Variants in ENG observed in about 807,000 individuals in gnomAD.
ENG encodes the protein endoglin.
ENG carries 17 observed loss-of-function variants against 71.0 expected under a neutral mutation model. The observed-to-expected ratio is 0.24, with a 90% CI of 0.16 to 0.36. The LOEUF is 0.36. Ranked by LOEUF, ENG falls within the 10% of genes least tolerant of loss-of-function variation. ENG has a pLI of 1.00. For missense variants in ENG, 749 were observed against 868.3 expected, an observed-to-expected ratio of 0.86 and a Z score of 1.73; for synonymous variants, 360 against 366.9, an observed-to-expected ratio of 0.98 and a Z score of 0.21.
chr9:127,825,771 G>A lies in ENG; in HGVS notation c.613C>T (p.Arg205Trp), dbSNP rs762209698. Reference sequence around the variant, plus strand: ...GCCACGCCTTCCAAGTGGCAGCCCCGGACCAAGGCTGGAGTACGCGGCCGC... The same window carrying A: ...GCCACGCCTTCCAAGTGGCAGCCCCAGACCAAGGCTGGAGTACGCGGCCGC... ...EWRPRTPALV[R>W]GCHLEGVAGH... Residue 205 changes from arginine (R) to tryptophan (W), a missense_variant, in exon 5 of 15, where the codon CGG becomes TGG. Transcript: ENST00000373203. 19 of 1,598,336 alleles carry A rather than the reference G, an allele frequency of 1.2e-5. No homozygotes were observed. The highest frequency in any genetic ancestry group is 4.5e-5 in the East Asian group (2 of 44,220).
In ENG at chr9:127,815,644, C is replaced by T; in HGVS notation, c.*38G>A. ...CACCAGTGCTCCCAGCTGGCGGCTG[C>T]TCAGTCTCTCCTGCTGGGCGAGCGC... On this transcript the variant is annotated 3_prime_UTR_variant, in exon 15 of 15. Transcript: ENST00000373203. 1.4e-5 allele frequency: 21 copies of T among 1,541,750 alleles called. No homozygotes were observed. The highest frequency in any genetic ancestry group is 1.8e-5 in the Non-Finnish European group (21 of 1,150,592).
Position 127,843,117 on chromosome 9 carries a change from C to T in ENG, c.196G>A (p.Val66Ile). ...QAPNAILEVH[V>I]LFLEFPTGPS... ...ACCGTTGGGAACTCCAGGAAGAGGA[C>T]ATGGACTTCAAGGATGGCATTGGGG... Residue 66 changes from valine to isoleucine, a missense_variant, in exon 2 of 15, where the codon GTC (valine) becomes ATC (isoleucine). Val to Ile is a conservative substitution (Grantham distance 29). Transcript: ENST00000373203. 1 of 1,614,164 alleles carries T rather than the reference C, an allele frequency of 6.2e-7. No individual in the cohort carries two copies. Among genetic ancestry groups the T allele is most frequent in the South Asian group, 1.1e-5 (1 of 91,084 alleles).
chr9:127,825,070 TC>T, intron 6 of ENG, 96 bp from the exon 7 acceptor site: 1 of 1,583,484 alleles, frequency 6.3e-7, no homozygotes, highest in Non-Finnish European at 8.6e-7. Flanking sequence ...TCCTGCTGTG[TC>T]CCCACTCCTG....
intron 1 of ENG, among the ~76,000 whole-genome samples, chr9:127,850,665 C>G (rs1272795396): frequency 6.6e-6 from 1 of 152,260 alleles, no homozygotes; most frequent in African/African-American, 2.4e-5. Flanking sequence ...GACTCCAACA[C>G]AGACAGCCAG....
intron 2 of ENG, among the ~76,000 whole-genome samples, chr9:127,834,202 A>G (rs1302206100): frequency 1.3e-5 from 2 of 151,980 alleles, no homozygotes; most frequent in Admixed American, 1.3e-4. Context: ...CCTCCCAAGT[A>G]GCTGGGACTA....
At chr9:127,853,418 G>A (rs1439469672) in intron 1 of ENG, among the ~76,000 whole-genome samples, 1 of 152,234 alleles carries the variant, frequency 6.6e-6, no homozygotes, top group Non-Finnish European at 1.5e-5. Context: ...GCGGCTTGAG[G>A]TGGCCGAGGG....
At chr9:127,851,123 G>A (rs962345381) in intron 1 of ENG, among the ~76,000 whole-genome samples, 5 of 152,110 alleles carry the variant, frequency 3.3e-5, no homozygotes, top group African/African-American at 1.2e-4. Context: ...GGAGTTCCGA[G>A]GTGATTTTTT....
chr9:127,835,123 C>T (rs1344065462), intron 2 of ENG, among the ~76,000 whole-genome samples: 1 of 152,072 alleles, frequency 6.6e-6, no homozygotes, highest in African/African-American at 2.4e-5. Flanking sequence ...CTTAGCCTCC[C>T]AAGTAGCTGG....
chr9:127,815,306 G>T lies in ENG; in HGVS notation c.*376C>A, dbSNP rs971311800. ...CTTCTCTTCCCAGCGGGGAGGTGCT[G>T]TTGGCCTGGCTGGGCTGGCCTGAAT... On this transcript the variant is annotated 3_prime_UTR_variant, in exon 15 of 15. Coordinates refer to ENST00000373203, the MANE Select transcript of ENG (RefSeq NM_001114753.3). 8.7e-6 allele frequency: 2 copies of T among 228,956 alleles called. No homozygotes were observed. Among genetic ancestry groups the T allele is most frequent in the South Asian group, 1.7e-4 (2 of 11,644 alleles). 14.2% of individuals were successfully genotyped at this position (228,956 alleles called of 1,614,324 possible). A position where few individuals can be genotyped will look rare whatever the true frequency, so the allele number is the denominator to read the frequency against.
At chr9:127,826,807 T>G in intron 3 of ENG, 135 bp from the exon 4 acceptor site, 1 of 1,209,434 alleles carries the variant, frequency 8.3e-7, no homozygotes, top group Non-Finnish European at 1.2e-6. Context: ...GAATGCTGGC[T>G]GGTGGATCTG....
At chr9:127,833,308 G>C (rs2131901050) in intron 2 of ENG, among the ~76,000 whole-genome samples, 1 of 152,114 alleles carries the variant, frequency 6.6e-6, no homozygotes, top group South Asian at 2.1e-4. Context: ...GATCACCTGA[G>C]GTTGGGAGTT....
intron 1 of ENG, among the ~76,000 whole-genome samples, chr9:127,851,211 C>T (rs765321547): frequency 6.6e-6 from 1 of 151,962 alleles, no homozygotes; most frequent in Non-Finnish European, 1.5e-5. Context: ...AAAATCTCTA[C>T]ATGCTTGTTC....
chr9:127,837,844 G>A (rs906207925), intron 2 of ENG, among the ~76,000 whole-genome samples: 1 of 105,608 alleles, frequency 9.5e-6, no homozygotes, highest in African/African-American at 4.9e-5. Context: ...GGCTGACTTC[G>A]AGCTTAACAC....
At chr9:127,822,146 T>G (rs1010331548) in intron 8 of ENG, among the ~76,000 whole-genome samples, 1 of 152,216 alleles carries the variant, frequency 6.6e-6, no homozygotes, top group East Asian at 1.9e-4. Context: ...CAACCTTTTT[T>G]TCTTTATTAA....
At chr9:127,820,221 TG>T (rs1830438428) in intron 8 of ENG, among the ~76,000 whole-genome samples, 184 bp from the exon 9 acceptor site, 6 of 152,116 alleles carry the variant, frequency 3.9e-5, no homozygotes, top group Admixed American at 3.9e-4. Context: ...TTTTTTGAGA[TG>T]GAGTCTCACT....
At position 127,826,612 on chromosome 9, in the gene ENG, A is replaced by G; in HGVS notation, c.421T>C (p.Phe141Leu). ...PGVNTTELPS[F>L]PKTQILEWAA... Reference sequence around the variant, plus strand: ...CACTCAAGGATCTGGGTCTTGGGGAAGGATGGCAGCTCTGTGGTGTTGACC... The same window carrying G: ...CACTCAAGGATCTGGGTCTTGGGGAGGGATGGCAGCTCTGTGGTGTTGACC... Residue 141 changes from phenylalanine (F) to leucine (L), a missense_variant, in exon 4 of 15, where the codon TTC becomes CTC. By Grantham distance (22) the Phe-to-Leu change is conservative. Transcript: ENST00000373203. 5.6e-6 allele frequency: 9 copies of G among 1,614,082 alleles called. No individual in the cohort carries two copies. Among genetic ancestry groups the G allele is most frequent in the Non-Finnish European group, 6.8e-6 (8 of 1,179,986 alleles).
intron 1 of ENG, among the ~76,000 whole-genome samples, chr9:127,849,689 C>A (rs1427797982): frequency 6.6e-6 from 1 of 152,024 alleles, no homozygotes; most frequent in Non-Finnish European, 1.5e-5. Context: ...GTTATGGGGA[C>A]CAGAGAAAAG....
At chr9:127,842,414 A>G (rs1294008504) in intron 2 of ENG, among the ~76,000 whole-genome samples, 1 of 149,084 alleles carries the variant, frequency 6.7e-6, no homozygotes, top group East Asian at 2.0e-4. Context: ...TTTTTATTTT[A>G]TTTTTATTTT....
chr9:127,847,606 C>T (rs971100895), intron 1 of ENG, among the ~76,000 whole-genome samples: 1 of 152,100 alleles, frequency 6.6e-6, no homozygotes, highest in African/African-American at 2.4e-5. Context: ...TGGACCACCA[C>T]ACTCAGCTAA....
Sources: gnomAD v4.1 joint callset for allele counts (sites outside exome capture counted in the v4.1 genomes callset) on GRCh38, gnomAD v4.1.1 for gene constraint, MANE v1.5 for transcripts, NCBI Gene and HGNC (gene_info 2026-07-23, HGNC 2026-07-21) for gene names.